The following STIP1 variants were observed in gnomAD, a reference collection of about 807,000 sequenced individuals.
STIP1 encodes stress induced phosphoprotein 1.
A neutral mutation model predicts 77.4 loss-of-function variants in STIP1; 16 were observed. The observed-to-expected ratio is 0.21, with a 90% CI of 0.14 to 0.31. The LOEUF is 0.31. Ranked by LOEUF, STIP1 falls within the 10% of genes least tolerant of loss-of-function variation. The pLI is 1.00. For missense variants in STIP1, 524 were observed against 684.8 expected, an observed-to-expected ratio of 0.77 and a Z score of 2.62; for synonymous variants, 258 against 246.6, an observed-to-expected ratio of 1.05 and a Z score of -0.44.
chr11:64,189,572 T>C (rs1591004105), intron 1 of STIP1, among the ~76,000 whole-genome samples: 1 of 152,068 alleles, frequency 6.6e-6, no homozygotes, highest in African/African-American at 2.4e-5. Flanking sequence ...CTTTTTTTTT[T>C]CAATAGGGGC....
In STIP1 at chr11:64,200,290, C is replaced by T; in HGVS notation, c.1242C>T (p.Leu414=). The change falls in exon 10 of 14, where the codon CTC becomes CTT. Residue 414 remains leucine, a synonymous_variant. Transcript: ENST00000305218. ...AACTCCTGGAGTTCCAGCTGGCACTCAAGGTGACGAGACCTGTGGGGGCGG... is the reference window on the plus strand; with the variant it reads ...AACTCCTGGAGTTCCAGCTGGCACTTAAGGTGACGAGACCTGTGGGGGCGG... ...YTKLLEFQLA[L]KDCEECIQLE... The T allele has an allele frequency of 6.2e-7, 1 of 1,610,036 alleles. No homozygotes were observed. The highest frequency in any genetic ancestry group is 8.5e-7 in the Non-Finnish European group (1 of 1,178,576).
At position 64,197,956 on chromosome 11, in the gene STIP1, G is replaced by A. The variant is rs1946169442; in HGVS notation, c.1005G>A (p.Val335=). 4 of 1,613,010 alleles carry A rather than the reference G, an allele frequency of 2.5e-6. No homozygotes were observed. The highest frequency in any genetic ancestry group is 1.7e-4 in the Middle Eastern group (1 of 5,926). ...KSLAEHRTPD[V]LKKCQQAEKI... ...TGGCAGAGCACCGAACCCCAGATGT[G>A]CTCAAGAAATGCCAGCAGGTGCGTA... Residue 335 remains valine, a synonymous_variant, in exon 8 of 14, where the codon GTG becomes GTA. Transcript: ENST00000305218.
Position 64,194,307 on chromosome 11 carries a change from A to C in STIP1, c.338A>C (p.Gln113Pro). Residue 113 changes from glutamine to proline, a missense_variant, in exon 3 of 14, where the codon CAG becomes CCG. Transcript: ENST00000305218. ...ANNPQLKEGL[Q>P]NMEARLAERK... is the part of the protein sequence containing the mutation. The stretch of plus-strand genomic sequence containing the variant: ...AACCCTCAACTGAAAGAGGGTTTAC[A>C]GAATATGGAGGCCAGGTTGGCAGGT... 6.2e-7 allele frequency: 1 copy of C among 1,614,098 alleles called. No homozygotes were observed. Among genetic ancestry groups the C allele is most frequent in the Non-Finnish European group, 8.5e-7 (1 of 1,180,008 alleles).
intron 8 of STIP1, among the ~76,000 whole-genome samples, chr11:64,198,740 GT>G (rs1008356705): frequency 5.2e-5 from 5 of 95,350 alleles, no homozygotes; most frequent in South Asian, 3.2e-4. Flanking sequence ...GTGATCTGGT[GT>G]TTTTTTTTGT....
intron 1 of STIP1, among the ~76,000 whole-genome samples, chr11:64,190,824 A>G (rs1235741583): frequency 6.6e-6 from 1 of 151,934 alleles, no homozygotes; most frequent in Non-Finnish European, 1.5e-5. Flanking sequence ...GTGAGACACC[A>G]TTTCTACCAC....
At chr11:64,190,011 T>C (rs1403539248) in intron 1 of STIP1, among the ~76,000 whole-genome samples, 1 of 151,688 alleles carries the variant, frequency 6.6e-6, no homozygotes, top group East Asian at 1.9e-4. Flanking sequence ...CTCTTTTTTT[T>C]TTTTTTCCAA....
chr11:64,187,833 C>T (rs1203119343), intron 1 of STIP1, among the ~76,000 whole-genome samples: 1 of 151,884 alleles, frequency 6.6e-6, no homozygotes, highest in Non-Finnish European at 1.5e-5. Context: ...AACCCCGTCT[C>T]TACTAAAAAT....
chr11:64,188,938 C>T (rs2134781825), intron 1 of STIP1, among the ~76,000 whole-genome samples: 1 of 152,284 alleles, frequency 6.6e-6, no homozygotes, highest in East Asian at 1.9e-4. Context: ...CAAGTTGGGC[C>T]GGGTGCAGTG....
chr11:64,195,050 C>G (rs1431232220), intron 4 of STIP1, among the ~76,000 whole-genome samples: 1 of 152,194 alleles, frequency 6.6e-6, no homozygotes, highest in African/African-American at 2.4e-5. Context: ...CAACTCATTC[C>G]TCTGTGTATC....
rs1435967684 is a variant in STIP1 at position 64,195,797 on chromosome 11, C to T, written c.656C>T (p.Pro219Leu). 1 of 1,613,946 alleles carries T rather than the reference C, an allele frequency of 6.2e-7. No homozygotes were observed. The highest frequency in any genetic ancestry group is 8.5e-7 in the Non-Finnish European group (1 of 1,180,014). The change falls in exon 5 of 14, where the codon CCA becomes CTA. Residue 219 changes from proline (P) to leucine (L), a missense_variant. Transcript: ENST00000305218. ...TKPEPMEEDLPENKKQALKEK... is the reference protein window; with the variant it reads ...TKPEPMEEDLLENKKQALKEK... ...CCAGAGCCAATGGAAGAAGATCTTCCAGAGAATAAGAAGCAGGTCTTGTTT... is the reference window on the plus strand; with the variant it reads ...CCAGAGCCAATGGAAGAAGATCTTCTAGAGAATAAGAAGCAGGTCTTGTTT...
chr11:64,196,668 A>G (rs1378955860), intron 5 of STIP1, among the ~76,000 whole-genome samples: 2 of 152,196 alleles, frequency 1.3e-5, no homozygotes, highest in African/African-American at 2.4e-5. Flanking sequence ...CTTTTAGAGC[A>G]GAAGGCATGT....
chr11:64,194,845 C>T (rs1946130907), intron 4 of STIP1, among the ~76,000 whole-genome samples: 1 of 152,210 alleles, frequency 6.6e-6, no homozygotes, highest in Non-Finnish European at 1.5e-5. Flanking sequence ...ATACACCTCT[C>T]TCCTGCTCTT....
Position 64,204,542 on chromosome 11 carries a change from T to G in STIP1, c.*416T>G, listed in dbSNP as rs1946263477. 1 of 197,752 alleles carries G rather than the reference T, an allele frequency of 5.1e-6. No homozygotes were observed. The highest frequency in any genetic ancestry group is 1.0e-5 in the Non-Finnish European group (1 of 97,792). The allele number at this position is 197,752 out of a possible 1,614,324, so 12.2% of individuals were successfully genotyped here. A position where few individuals can be genotyped will look rare whatever the true frequency, so the allele number is the denominator to read the frequency against. On this transcript the variant is annotated 3_prime_UTR_variant, in exon 14 of 14. Coordinates refer to ENST00000305218, the MANE Select transcript of STIP1 (RefSeq NM_006819.3). The stretch of plus-strand genomic sequence containing the variant: ...AAAACAAGCCAGTTGGGCGTGGTTA[T>G]ATGTTGCTTTGGCCTTGAGTGATTT...
At chr11:64,197,762 A>G (rs545499753) in intron 7 of STIP1, 92 bp from the exon 8 acceptor site, 1 of 1,570,998 alleles carries the variant, frequency 6.4e-7, no homozygotes, top group South Asian at 1.2e-5. Flanking sequence ...GAAGGCAGTG[A>G]TGCGGGCCTT....
intron 1 of STIP1, among the ~76,000 whole-genome samples, chr11:64,190,921 C>T (rs981438038): frequency 3.3e-5 from 5 of 152,290 alleles, no homozygotes; most frequent in Non-Finnish European, 7.4e-5. Context: ...GGCGCAGTGG[C>T]TCATACCAGT....
At chr11:64,196,472 C>T (rs114938112) in intron 5 of STIP1, among the ~76,000 whole-genome samples, 292 of 151,428 alleles carry the variant, frequency 1.9e-3, no homozygotes, top group African/African-American at 6.1e-3. Flanking sequence ...GCGGGAGTTG[C>T]CCTTCCCGTG....
intron 1 of STIP1, among the ~76,000 whole-genome samples, chr11:64,189,970 C>G (rs1442352221): frequency 2.0e-5 from 3 of 150,574 alleles, no homozygotes; most frequent in African/African-American, 7.3e-5. Flanking sequence ...AGTTCCTGAT[C>G]TCTCTATTTG....
chr11:64,203,151 G>A lies in STIP1; in HGVS notation c.1309G>A (p.Ala437Thr). The A allele has an allele frequency of 6.2e-7, 1 of 1,614,224 alleles. No homozygotes were observed. The highest frequency in any genetic ancestry group is 8.5e-7 in the Non-Finnish European group (1 of 1,180,050). ...CAAGGGTTATACACGGAAAGCCGCT[G>A]CGCTGGAAGCGATGAAGGACTACAC... ...FIKGYTRKAA[A>T]LEAMKDYTKA... The change falls in exon 12 of 14, where the codon GCG (alanine) becomes ACG (threonine). Residue 437 changes from alanine to threonine, a missense_variant. By Grantham distance (58) the Ala-to-Thr change is moderately conservative. Transcript: ENST00000305218.
In STIP1 at chr11:64,192,228, C is replaced by T. The variant is rs576679292; in HGVS notation, c.10-850C>T. ...ACTTGGGAGGCTGAGGCAGGAGAAT[C>T]GCTTGAACCTGGGAGGCGGAGGTTG... is the stretch of plus-strand genomic sequence containing the variant. On this transcript the variant is annotated intron_variant, in intron 1 of 13. Transcript: ENST00000305218. Among the ~76,000 whole-genome samples the T allele has an allele frequency of 1.7e-3, 257 of 152,228 alleles. 2 individuals are homozygous for T. The highest frequency in any genetic ancestry group is 5.8e-3 in the African/African-American group (239 of 41,530).
Sources: allele counts gnomAD v4.1 joint callset (sites outside exome capture counted in the v4.1 genomes callset), GRCh38; gene constraint gnomAD v4.1.1; transcripts MANE v1.5; gene names NCBI Gene and HGNC (gene_info 2026-07-23, HGNC 2026-07-21).